Variants in SEMA4D observed in about 807,000 individuals in gnomAD.
The protein encoded by SEMA4D is semaphorin-4D.
A neutral mutation model predicts 74.8 loss-of-function variants in SEMA4D; 22 were observed. The ratio of observed to expected loss-of-function variants is 0.29; its 90% CI spans 0.21 to 0.42. SEMA4D has a LOEUF of 0.42. Ranked by LOEUF, SEMA4D falls within the 10% of genes least tolerant of loss-of-function variation. The probability of loss-of-function intolerance (pLI) is 1.00; values close to 1 mark genes in which losing one functional copy is unlikely to be tolerated. For missense variants in SEMA4D, 937 were observed against 1,118.4 expected, an observed-to-expected ratio of 0.84 and a Z score of 2.31; for synonymous variants, 445 against 463.7, an observed-to-expected ratio of 0.96 and a Z score of 0.52.
At chr9:89,362,296 C>T (rs1832817715) in exon 19 of SEMA4D, 1 of 1,595,308 alleles carries the variant, frequency 6.3e-7, no homozygotes, top group Non-Finnish European at 8.6e-7. Context: ...TTGGGCAAGA[C>T]AGTTCACAGT....
downstream of SEMA4D, among the ~76,000 whole-genome samples, chr9:89,375,058 T>A (rs1381038082): frequency 6.6e-6 from 1 of 151,922 alleles, no homozygotes; most frequent in African/African-American, 2.4e-5. Flanking sequence ...GCCTCAAAAA[T>A]AAATAAATAA....
intron 13 of SEMA4D, 117 bp downstream of exon 13, chr9:89,386,250 C>T: frequency 1.0e-6 from 1 of 1,001,834 alleles, no homozygotes; most frequent in Non-Finnish European, 1.4e-6. Context: ...TCACCCAGGG[C>T]AGACAGACAG....
At chr9:89,456,763 CT>C (rs1182266973) in intron 1 of SEMA4D, among the ~76,000 whole-genome samples, 2 of 152,070 alleles carry the variant, frequency 1.3e-5, no homozygotes, top group African/African-American at 2.4e-5. Flanking sequence ...ATTTTTGTAT[CT>C]TTTTTAGTAG....
At chr9:89,462,536 G>A (rs148414929) in intron 1 of SEMA4D, among the ~76,000 whole-genome samples, 2,399 of 152,258 alleles carry the variant, frequency 0.016, 31 homozygotes, top group Non-Finnish European at 0.026. Context: ...CAAAATAGGT[G>A]GGGTTGTTTT....
chr9:89,437,381 T>C (rs1451100666), intron 2 of SEMA4D, among the ~76,000 whole-genome samples: 2 of 152,094 alleles, frequency 1.3e-5, no homozygotes, highest in Admixed American at 6.5e-5. Flanking sequence ...CGCCCACACT[T>C]GGTCTTGAAT....
intron 2 of SEMA4D, among the ~76,000 whole-genome samples, chr9:89,423,872 T>TC (rs1847540063): frequency 2.3e-5 from 1 of 43,676 alleles, no homozygotes; most frequent in South Asian, 8.4e-4. Flanking sequence ...GCACCTCCCC[T>TC]CCCTCAGCTA....
rs533376466 is a variant in SEMA4D at position 89,399,090 on chromosome 9, C to A, written c.315+186G>T. Among the ~76,000 whole-genome samples the A allele has an allele frequency of 2.6e-5, 4 of 152,250 alleles. No homozygotes were observed. In the East Asian group the frequency reaches 7.7e-4, roughly 29 times the overall value. On this transcript the variant is annotated intron_variant, in intron 5 of 15. Transcript: ENST00000422704. The stretch of plus-strand genomic sequence containing the variant: ...ATGTTTGGCACCTGCTTTGAGAAAC[C>A]CAATCCTGATACTCAGGAATAGAGG...
Position 89,379,429 on chromosome 9 carries a change from A to T in SEMA4D, c.1864T>A (p.Tyr622Asn). 6.2e-7 allele frequency: 1 copy of T among 1,614,174 alleles called. No individual in the cohort carries two copies. The highest frequency in any genetic ancestry group is 8.5e-7 in the Non-Finnish European group (1 of 1,180,022). ...FNLSEGDSGV[Y>N]QCLSEERVKN... ...ACCCTCTCCTCTGACAGGCACTGGT[A>T]CACCCCACTGTCTCCTTCTGACAAG... Residue 622 changes from tyrosine (Y) to asparagine (N), a missense_variant, in exon 16 of 16, where the codon TAC (tyrosine) becomes AAC (asparagine). Physicochemically the swap from Tyr to Asn is moderately radical, Grantham distance 143. Transcript: ENST00000422704.
chr9:89,417,016 C>T (rs4436215), intron 2 of SEMA4D, among the ~76,000 whole-genome samples: 23,488 of 152,074 alleles, frequency 0.15, 2,377 homozygotes, highest in Non-Finnish European at 0.22. Context: ...TAAAAAATAA[C>T]AGAAGGAGCC....
At chr9:89,481,689 C>T (rs976764683) in intron 1 of SEMA4D, among the ~76,000 whole-genome samples, 5 of 152,196 alleles carry the variant, frequency 3.3e-5, no homozygotes, top group African/African-American at 9.7e-5. Context: ...ATGTCACAGA[C>T]GGATGCTGAG....
intron 8 of SEMA4D, among the ~76,000 whole-genome samples, chr9:89,391,755 CGTAAG>C: frequency 6.6e-6 from 1 of 152,230 alleles, no homozygotes. Context: ...CAGAGACCTA[CGTAAG>C]GCATGCATTT....
chr9:89,438,023 A>G (rs1163919899), intron 2 of SEMA4D, among the ~76,000 whole-genome samples: 3 of 152,238 alleles, frequency 2.0e-5, no homozygotes, highest in Non-Finnish European at 2.9e-5. Context: ...ATAGAAGGGC[A>G]GGGCCATCTC....
At chr9:89,455,619 G>A (rs940663766) in intron 2 of SEMA4D, among the ~76,000 whole-genome samples, 10 of 152,138 alleles carry the variant, frequency 6.6e-5, no homozygotes, top group Non-Finnish European at 4.4e-5. Flanking sequence ...ACTCAGCATT[G>A]CCTCGCTCAT....
Position 89,425,484 on chromosome 9 carries a change from G to A in SEMA4D, c.-243-19785C>T, listed in dbSNP as rs113900987. ...GCTGTGAGTCACCTGGAAGCAGCAC[G>A]TGGCCCTGACATCTGGGAAGGGGCT... On this transcript the variant is annotated intron_variant, in intron 2 of 15. Coordinates refer to ENST00000422704, the MANE Select transcript of SEMA4D (RefSeq NM_001371194.2). Among the ~76,000 whole-genome samples the A allele has an allele frequency of 1.8e-3, 267 of 152,354 alleles. 1 individual carries two copies. Among genetic ancestry groups the A allele is most frequent in the African/African-American group, 6.1e-3 (252 of 41,582 alleles).
chr9:89,381,297 G>A lies in SEMA4D; in HGVS notation c.1496C>T (p.Pro499Leu), dbSNP rs758940892. The change falls in exon 14 of 16, where the codon CCG becomes CTG. Residue 499 changes from proline (P) to leucine (L), a missense_variant. Pro to Leu is a moderately conservative substitution (Grantham distance 98). Coordinates refer to ENST00000422704, the MANE Select transcript of SEMA4D (RefSeq NM_001371194.2). This position sits in a 1 kb window ranked among gnomAD's most constrained non-coding sequence, Gnocchi z 4.6. ...GCCGTGCTTCCCACAGAAGGCCAGCGGGGCCTGGACCACGCCCGAGTTAGA... is the reference window on the plus strand; with the variant it reads ...GCCGTGCTTCCCACAGAAGGCCAGCAGGGCCTGGACCACGCCCGAGTTAGA... ...AGSNSGVVQA[P>L]LAFCGKHGTC... 2.9e-5 allele frequency: 45 copies of A among 1,566,718 alleles called. 1 individual carries two copies. Among genetic ancestry groups the A allele is most frequent in the South Asian group, 1.9e-4 (16 of 86,216 alleles).
At chr9:89,405,269 T>TC (rs1260998335) in intron 3 of SEMA4D, 82 bp downstream of exon 3, 2 of 1,250,090 alleles carry the variant, frequency 1.6e-6, no homozygotes, top group African/African-American at 3.0e-5. Flanking sequence ...CCCTGTCCCG[T>TC]CCCCAGCCAC....
chr9:89,383,926 T>C (rs75249546), intron 13 of SEMA4D, among the ~76,000 whole-genome samples: 2,235 of 152,194 alleles, frequency 0.015, 32 homozygotes, highest in Middle Eastern at 0.034. Context: ...GCAGCTCTCA[T>C]GCTCCCATCT....
At chr9:89,466,395 G>A (rs1426611509) in intron 1 of SEMA4D, among the ~76,000 whole-genome samples, 1 of 152,118 alleles carries the variant, frequency 6.6e-6, no homozygotes, top group African/African-American at 2.4e-5. Context: ...ACAGAGGGCT[G>A]CCTGGGGCCT....
At chr9:89,371,652 CTG>C (rs558175223) in intron 16 of SEMA4D, among the ~76,000 whole-genome samples, 22 of 36,384 alleles carry the variant, frequency 6.0e-4, no homozygotes, top group African/African-American at 2.5e-3. Context: ...TGGGATGTGT[CTG>C]GGGTGTGGTG....
Sources: allele counts gnomAD v4.1 joint callset (sites outside exome capture counted in the v4.1 genomes callset), GRCh38; gene constraint gnomAD v4.1.1; non-coding constraint Gnocchi (gnomAD v3.1); transcripts MANE v1.5; gene names NCBI Gene and HGNC (gene_info 2026-07-23, HGNC 2026-07-21).